PRDM11: variants seen among roughly 807,000 people sequenced by gnomAD.
PRDM11 encodes PR domain-containing protein 11.
In PRDM11, 20 loss-of-function variants were observed where a neutral mutation model predicts 97.8. That is an observed-to-expected ratio of 0.20 (90% CI 0.14 to 0.30). The LOEUF is 0.30. PRDM11 is among the 10% of genes least tolerant of loss of function. The pLI, the probability that PRDM11 is intolerant of heterozygous loss-of-function variation, is 1.00. For missense variants in PRDM11, 1,139 were observed against 1,555.2 expected, an observed-to-expected ratio of 0.73 and a Z score of 4.50; for synonymous variants, 599 against 637.7, an observed-to-expected ratio of 0.94 and a Z score of 0.91.
chr11:45,104,126 C>G (rs372335166), intron 1 of PRDM11, among the ~76,000 whole-genome samples: 29 of 152,350 alleles, frequency 1.9e-4, no homozygotes, highest in African/African-American at 6.7e-4. Flanking sequence ...CCCAGGGCAA[C>G]AGAGCTGTGT....
chr11:45,155,195 C>T (rs1419235989), intron 1 of PRDM11, among the ~76,000 whole-genome samples: 10 of 152,332 alleles, frequency 6.6e-5, no homozygotes, highest in South Asian at 2.1e-4. Flanking sequence ...TCAGCTTTCC[C>T]GGAGTGGCTT....
chr11:45,176,139 AT>A (rs1852322809), intron 1 of PRDM11, among the ~76,000 whole-genome samples: 1 of 152,134 alleles, frequency 6.6e-6, no homozygotes, highest in Admixed American at 6.5e-5. Flanking sequence ...CCCAGCACGG[AT>A]CCCAGGGCAG....
At chr11:45,207,902 C>A (rs1853573059) in intron 5 of PRDM11, among the ~76,000 whole-genome samples, 1 of 152,214 alleles carries the variant, frequency 6.6e-6, no homozygotes, top group Non-Finnish European at 1.5e-5. Context: ...CTGAGCTTTC[C>A]TCCATACCCT....
intron 5 of PRDM11, chr11:45,216,182 A>T (rs1853950735): frequency 6.6e-6 from 1 of 152,454 alleles, no homozygotes; most frequent in East Asian, 1.9e-4. Flanking sequence ...CTTCCCCTTG[A>T]TTGCTCCAAA....
In PRDM11 at chr11:45,197,107, G is replaced by A. The variant is rs368082739; in HGVS notation, c.487-7604G>A. On this transcript the variant is annotated intron_variant, in intron 4 of 7. Transcript: ENST00000683152. ...ATCAAAGTGTATAAAACCTGGATGT[G>A]GAATTTAGGATTGTTTGTCAACATG... Among the ~76,000 whole-genome samples, 26 of 152,264 alleles carry A rather than the reference G, an allele frequency of 1.7e-4. No individual in the cohort carries two copies. The East Asian group carries it at 3.1e-3, about 18-fold the overall frequency.
At chr11:45,126,227 T>C (rs1235328512) in intron 1 of PRDM11, among the ~76,000 whole-genome samples, 1 of 152,104 alleles carries the variant, frequency 6.6e-6, no homozygotes, top group Non-Finnish European at 1.5e-5. Context: ...AGCCTATGTG[T>C]GTCTCTGCTT....
intron 5 of PRDM11, among the ~76,000 whole-genome samples, chr11:45,217,063 C>G (rs1259453310): frequency 1.3e-5 from 2 of 152,152 alleles, no homozygotes; most frequent in Non-Finnish European, 2.9e-5. Flanking sequence ...TGAATGGTTT[C>G]CCTTTTGTAT....
chr11:45,094,613 G>A (rs1231367134), upstream of PRDM11, among the ~76,000 whole-genome samples: 8 of 140,610 alleles, frequency 5.7e-5, no homozygotes, highest in Non-Finnish European at 1.3e-4. Flanking sequence ...GGGAGGGGAG[G>A]ACTGAAGGGA....
chr11:45,199,266 C>A (rs185154734), intron 4 of PRDM11, among the ~76,000 whole-genome samples: 2 of 152,316 alleles, frequency 1.3e-5, no homozygotes, highest in East Asian at 3.9e-4. Context: ...TCCCTGCTAG[C>A]AAATCATCCC....
At chr11:45,128,761 A>C (rs1375752947) in intron 1 of PRDM11, among the ~76,000 whole-genome samples, 3 of 152,188 alleles carry the variant, frequency 2.0e-5, no homozygotes, top group Admixed American at 6.5e-5. Context: ...TATTTAAACT[A>C]TTTCAGAAAA....
intron 1 of PRDM11, among the ~76,000 whole-genome samples, chr11:45,122,495 T>G (rs1256655543): frequency 8.9e-6 from 1 of 112,272 alleles, no homozygotes; most frequent in Admixed American, 9.2e-5. Flanking sequence ...CCCCCCTCCC[T>G]CCACCCCACA....
rs191733603 is a variant in PRDM11, at chr11:45,099,278, C to G, written c.96+3377C>G. On this transcript the variant is annotated intron_variant, in intron 1 of 6. Transcript: ENST00000530656. ...GAGCAGCCTGGACAACACAGTGAAA[C>G]GCTGTCTCTACTAAAGATACAAAAA... Among the ~76,000 whole-genome samples, 377 of 152,092 alleles carry G rather than the reference C, an allele frequency of 2.5e-3. 2 individuals carry two copies. Among genetic ancestry groups the G allele is most frequent in the Middle Eastern group, 0.014 (4 of 294 alleles).
chr11:45,184,326 G>T (rs1392410979), intron 4 of PRDM11, among the ~76,000 whole-genome samples: 2 of 152,220 alleles, frequency 1.3e-5, no homozygotes, highest in Admixed American at 6.5e-5. Context: ...AGTTGGGGGA[G>T]TGACTTGGTC....
intron 4 of PRDM11, among the ~76,000 whole-genome samples, chr11:45,192,129 T>G (rs1852937257): frequency 6.6e-6 from 1 of 152,050 alleles, no homozygotes; most frequent in Non-Finnish European, 1.5e-5. Flanking sequence ...TGTCAGAAAC[T>G]GAGGGAACGC....
At chr11:45,102,948 G>C (rs1852003348) in intron 1 of PRDM11, among the ~76,000 whole-genome samples, 1 of 152,254 alleles carries the variant, frequency 6.6e-6, no homozygotes, top group African/African-American at 2.4e-5. Flanking sequence ...AGCAGATGCA[G>C]AGAGACAGGC....
chr11:45,225,112 G>A, intron 7 of PRDM11: 1 of 1,423,208 alleles, frequency 7.0e-7, no homozygotes, highest in Non-Finnish European at 9.1e-7. Flanking sequence ...CTGTGTTCTT[G>A]ACCCGTTGCC....
chr11:45,165,187 C>G (rs986404550), intron 1 of PRDM11, among the ~76,000 whole-genome samples: 2 of 152,174 alleles, frequency 1.3e-5, no homozygotes, highest in Admixed American at 1.3e-4. Context: ...CTGCCTCTTG[C>G]CAGTGGACTG....
intron 4 of PRDM11, among the ~76,000 whole-genome samples, chr11:45,195,514 T>A (rs1853089761): frequency 6.6e-6 from 1 of 152,216 alleles, no homozygotes; most frequent in Admixed American, 6.5e-5. Context: ...CTTCGCTTCA[T>A]GTTTTCAAGG....
chr11:45,204,273 T>C (rs1388158328), intron 4 of PRDM11, among the ~76,000 whole-genome samples: 3 of 152,288 alleles, frequency 2.0e-5, no homozygotes, highest in African/African-American at 7.2e-5. Context: ...AAATCACATA[T>C]ATTCAGTCAT....
Sources: gnomAD v4.1 joint callset for allele counts (sites outside exome capture counted in the v4.1 genomes callset) on GRCh38, gnomAD v4.1.1 for gene constraint, MANE v1.5 for transcripts, NCBI Gene and HGNC (gene_info 2026-07-23, HGNC 2026-07-21) for gene names.